PERP: variants seen among roughly 807,000 people sequenced by gnomAD.
PERP encodes the protein p53 apoptosis effector related to PMP-22.
A neutral mutation model predicts 20.3 loss-of-function variants in PERP; 11 were observed. The ratio of observed to expected loss-of-function variants is 0.54; its 90% CI spans 0.34 to 0.90. The LOEUF (loss-of-function observed/expected upper bound fraction) is 0.90. Among genes scored for constraint, PERP ranks in the 40% least tolerant of loss-of-function variants. The pLI is 0.02. For missense variants in PERP, 224 were observed against 249.4 expected (o/e 0.90, Z 0.69); for synonymous variants, 101 against 102.0 (o/e 0.99, Z 0.06).
In PERP at chr6:138,096,387, G is replaced by A. The variant is rs1239721447; in HGVS notation, c.322C>T (p.Leu108=). ...ALCGPQMLVF[L]RVIGGLLALA... is the part of the protein sequence containing the mutation. The stretch of plus-strand genomic sequence containing the variant: ...GCAAGGAGACCTCCAATCACTCTCA[G>A]GAAGACAAGCATCTGGGGTCCACAG... Residue 108 remains leucine, a synonymous_variant, in exon 2 of 3, where the codon CTG becomes TTG. Transcript: ENST00000421351. The A allele has an allele frequency of 8.1e-6, 13 of 1,614,090 alleles. No homozygotes were observed. The highest frequency in any genetic ancestry group is 1.0e-5 in the Non-Finnish European group (12 of 1,179,992).
intron 1 of PERP, among the ~76,000 whole-genome samples, chr6:138,099,490 G>A (rs1035855389): frequency 6.6e-6 from 1 of 152,126 alleles, no homozygotes; most frequent in Non-Finnish European, 1.5e-5. Context: ...GTAAAAGAAC[G>A]CAAACATAAT....
rs1775550540 is a variant in PERP, at chr6:138,089,908, G to A, written c.*2134C>T. On this transcript the variant is annotated 3_prime_UTR_variant, in exon 3 of 3. Coordinates refer to ENST00000421351, the MANE Select transcript of PERP (RefSeq NM_022121.5). ...CGTTAAGGTATTGTGTGATTGAGGA[G>A]GGGAAGAAGGCTGGATGGGAAATCA... is the stretch of plus-strand genomic sequence containing the variant. 6.6e-6 allele frequency: 1 copy of A among 152,146 alleles called. No homozygotes were observed. Among genetic ancestry groups the A allele is most frequent in the Admixed American group, 6.5e-5 (1 of 15,280 alleles). The allele number at this position is 152,146 out of a possible 1,614,324, so 9.4% of individuals were successfully genotyped here.
chr6:138,093,384 A>AT (rs575504371), intron 2 of PERP, among the ~76,000 whole-genome samples: 9,068 of 144,034 alleles, frequency 0.063, 282 homozygotes, highest in South Asian at 0.099. Flanking sequence ...TTTCTTCTTC[A>AT]TTTTTTTTTT....
At chr6:138,103,185 T>C (rs1477074746) in intron 1 of PERP, among the ~76,000 whole-genome samples, 2 of 152,020 alleles carry the variant, frequency 1.3e-5, no homozygotes, top group Non-Finnish European at 2.9e-5. Context: ...AGTCTCGCTC[T>C]GTCACCCAGG....
In PERP at chr6:138,092,366, C is replaced by A. The variant is rs1775602231; in HGVS notation, c.356-98G>T. 53 of 1,103,692 alleles carry A rather than the reference C, an allele frequency of 4.8e-5. No individual in the cohort carries two copies. The South Asian group carries it at 7.9e-4, about 16-fold the overall frequency. The allele number at this position is 1,103,692 out of a possible 1,614,324, so 68.4% of individuals were successfully genotyped here. ...ATTACCTCCTTCCACCAAGTTTCTG[C>A]CTTGAAATAAGTATAAAATCTACCT... is the stretch of plus-strand genomic sequence containing the variant. On this transcript the variant is annotated intron_variant, in intron 2 of 2. Coordinates refer to ENST00000421351, the MANE Select transcript of PERP (RefSeq NM_022121.5).
rs752072095 is a variant in PERP at position 138,092,276 on chromosome 6, G to T, written c.356-8C>A. ...AGATGATCTGGAACACAGCTAAAGGGAAGAAAAAAATCCCAGGGTATGAAT... is the reference window on the plus strand; with the variant it reads ...AGATGATCTGGAACACAGCTAAAGGTAAGAAAAAAATCCCAGGGTATGAAT... On this transcript the variant is annotated splice_polypyrimidine_tract_variant and splice_region_variant and intron_variant, in intron 2 of 2. Transcript: ENST00000421351. The T allele has an allele frequency of 6.2e-7, 1 of 1,604,954 alleles. No homozygotes were observed. The highest frequency in any genetic ancestry group is 1.1e-5 in the South Asian group (1 of 90,406).
rs1775548237 is a variant in PERP, at chr6:138,089,764, G to A, written c.*2278C>T. 6.6e-6 allele frequency: 1 copy of A among 152,186 alleles called. No homozygotes were observed. Among genetic ancestry groups the A allele is most frequent in the African/African-American group, 2.4e-5 (1 of 41,444 alleles). 9.4% of individuals were successfully genotyped at this position (152,186 alleles called of 1,614,324 possible). A position where few individuals can be genotyped will look rare whatever the true frequency, so the allele number is the denominator to read the frequency against. ...TCTCTATACTAGAACAAGGCTGAAG[G>A]AAGCAGACCATTTCTGCAAAATAAG... On this transcript the variant is annotated 3_prime_UTR_variant, in exon 3 of 3. Coordinates refer to ENST00000421351, the MANE Select transcript of PERP (RefSeq NM_022121.5).
At chr6:138,096,177 G>A (rs565223348) in intron 2 of PERP, among the ~76,000 whole-genome samples, 177 bp downstream of exon 2, 5 of 152,274 alleles carry the variant, frequency 3.3e-5, no homozygotes, top group African/African-American at 1.2e-4. Flanking sequence ...AGCCACAAGA[G>A]GAAAGGGAAC....
rs1202559114 is a variant in PERP at position 138,090,026 on chromosome 6, GT to G, written c.*2015del. On this transcript the variant is annotated 3_prime_UTR_variant, in exon 3 of 3. Transcript: ENST00000421351. ...ACGTTTCTTAATCTCTAGATATCCA[GT>G]ATCTTCTTGAATGAGCTGTGGTATC... is the stretch of plus-strand genomic sequence containing the variant. 3 of 152,138 alleles carry G rather than the reference GT, an allele frequency of 2.0e-5. No individual in the cohort carries two copies. Among genetic ancestry groups the G allele is most frequent in the Non-Finnish European group, 4.4e-5 (3 of 68,028 alleles). The allele number at this position is 152,138 out of a possible 1,614,324, so 9.4% of individuals were successfully genotyped here. A position where few individuals can be genotyped will look rare whatever the true frequency, so the allele number is the denominator to read the frequency against.
intron 2 of PERP, among the ~76,000 whole-genome samples, chr6:138,093,709 T>A (rs1775625882): frequency 6.6e-6 from 1 of 152,184 alleles, no homozygotes; most frequent in African/African-American, 2.4e-5. Flanking sequence ...TTTGGATTAA[T>A]TTCTGCCAAA....
At position 138,089,343 on chromosome 6, in the gene PERP, GA is replaced by G. The variant is rs1775543505; in HGVS notation, c.*2698del. On this transcript the variant is annotated 3_prime_UTR_variant, in exon 3 of 3. Coordinates refer to ENST00000421351, the MANE Select transcript of PERP (RefSeq NM_022121.5). ...CATTGTTTTCATTTCCTTAAAAAAG[GA>G]AAGGCTGTTGAACTTGTGAGTTCTG... 1 of 152,070 alleles carries G rather than the reference GA, an allele frequency of 6.6e-6. No individual in the cohort carries two copies. The highest frequency in any genetic ancestry group is 1.5e-5 in the Non-Finnish European group (1 of 68,020). The allele number at this position is 152,070 out of a possible 1,614,324, so 9.4% of individuals were successfully genotyped here.
chr6:138,105,631 C>T (rs1229820537), intron 1 of PERP, among the ~76,000 whole-genome samples: 1 of 152,156 alleles, frequency 6.6e-6, no homozygotes, highest in Admixed American at 6.5e-5. Context: ...CAAAGGCACG[C>T]TAGTCTTACT....
In PERP at chr6:138,092,279, GA is replaced by G. The variant is rs111276070; in HGVS notation, c.356-12del. 39 of 1,599,720 alleles carry G rather than the reference GA, an allele frequency of 2.4e-5. No homozygotes were observed. Among genetic ancestry groups the G allele is most frequent in the Non-Finnish European group, 3.3e-5 (38 of 1,168,820 alleles). ...TGATCTGGAACACAGCTAAAGGGAA[GA>G]AAAAAATCCCAGGGTATGAATGCAT... On this transcript the variant is annotated splice_polypyrimidine_tract_variant and intron_variant, in intron 2 of 2. Transcript: ENST00000421351.
intron 1 of PERP, among the ~76,000 whole-genome samples, chr6:138,104,047 C>T (rs1374587417): frequency 6.6e-6 from 1 of 152,202 alleles, no homozygotes; most frequent in African/African-American, 2.4e-5. Flanking sequence ...GGTGCACAAA[C>T]TTATCACCAT....
At position 138,107,389 on chromosome 6, in the gene PERP, G is replaced by T; in HGVS notation, c.-49C>A. 7.1e-7 allele frequency: 1 copy of T among 1,408,806 alleles called. No homozygotes were observed. 87.3% of individuals were successfully genotyped at this position (1,408,806 alleles called of 1,614,324 possible). A position where few individuals can be genotyped will look rare whatever the true frequency, so the allele number is the denominator to read the frequency against. On this transcript the variant is annotated 5_prime_UTR_variant, in exon 1 of 3. Transcript: ENST00000421351. This position sits in a 1 kb window ranked among gnomAD's most constrained non-coding sequence, Gnocchi z 4.8. ...GCGGAGCGGAGCGGAGCGGGTCGGA[G>T]GAGCGCGCGGGACGGGCGACAGCAG...
At chr6:138,094,862 A>G (rs1431264359) in intron 2 of PERP, among the ~76,000 whole-genome samples, 2 of 152,166 alleles carry the variant, frequency 1.3e-5, no homozygotes, top group African/African-American at 4.8e-5. Flanking sequence ...CTGGGATTAT[A>G]GGTGTGCACC....
chr6:138,104,579 T>C (rs1775817272), intron 1 of PERP, among the ~76,000 whole-genome samples: 1 of 152,254 alleles, frequency 6.6e-6, no homozygotes, highest in African/African-American at 2.4e-5. Context: ...CATATTGTTA[T>C]GATTATCAAC....
intron 2 of PERP, among the ~76,000 whole-genome samples, chr6:138,092,972 T>G (rs537879): frequency 0.54 from 81,490 of 151,768 alleles, 22,334 homozygotes; most frequent in South Asian, 0.75. Flanking sequence ...AGGTGTGAGT[T>G]AAGATGTGGA....
intron 2 of PERP, among the ~76,000 whole-genome samples, chr6:138,093,395 T>C: frequency 6.6e-6 from 1 of 152,084 alleles, no homozygotes; most frequent in African/African-American, 2.4e-5. Context: ...TTTTTTTTTT[T>C]CACTGCTAGA....
Sources: gnomAD v4.1 joint callset for allele counts (sites outside exome capture counted in the v4.1 genomes callset) on GRCh38, gnomAD v4.1.1 for gene constraint, Gnocchi (gnomAD v3.1) non-coding constraint, MANE v1.5 for transcripts, NCBI Gene and HGNC (gene_info 2026-07-23, HGNC 2026-07-21) for gene names.